Variants in ALK observed in about 807,000 individuals in gnomAD.
ALK encodes the protein ALK tyrosine kinase receptor.
ALK carries 74 observed loss-of-function variants against 163.1 expected under a neutral mutation model. The ratio of observed to expected loss-of-function variants is 0.45; its 90% CI spans 0.38 to 0.55. ALK has a LOEUF of 0.55. ALK is among the 20% of genes least tolerant of loss of function. The pLI, the probability that ALK is intolerant of heterozygous loss-of-function variation, is 0.00. For missense variants in ALK, 2,063 were observed against 2,105.3 expected, an observed-to-expected ratio of 0.98 and a Z score of 0.39; for synonymous variants, 960 against 843.2, an observed-to-expected ratio of 1.14 and a Z score of -2.40.
At chr2:29,644,255 G>A (rs991898489) in intron 3 of ALK, among the ~76,000 whole-genome samples, 9 of 117,458 alleles carry the variant, frequency 7.7e-5, no homozygotes, top group South Asian at 3.6e-4. Context: ...TTGCGGGGTG[G>A]GGGGAGGGGG....
chr2:29,331,366 G>C (rs1667434174), intron 5 of ALK, among the ~76,000 whole-genome samples: 1 of 152,124 alleles, frequency 6.6e-6, no homozygotes, highest in Non-Finnish European at 1.5e-5. Context: ...CAATATTTTT[G>C]GGTTTGGCAG....
At chr2:29,891,599 A>G (rs930676979) in intron 1 of ALK, among the ~76,000 whole-genome samples, 1 of 152,214 alleles carries the variant, frequency 6.6e-6, no homozygotes, top group African/African-American at 2.4e-5. Flanking sequence ...CCCATAAAGT[A>G]GAACATTTTA....
intron 12 of ALK, among the ~76,000 whole-genome samples, chr2:29,242,448 T>C (rs1392457576): frequency 6.6e-6 from 1 of 152,196 alleles, no homozygotes; most frequent in African/African-American, 2.4e-5. Context: ...TTTAGCCAAA[T>C]TATTATATTT....
chr2:29,538,966 C>T (rs1298310900), intron 3 of ALK, among the ~76,000 whole-genome samples: 1 of 152,104 alleles, frequency 6.6e-6, no homozygotes, highest in Non-Finnish European at 1.5e-5. Context: ...CCAACAGCTC[C>T]AGGCAGTATC....
chr2:29,610,794 C>T (rs1031493413), intron 3 of ALK, among the ~76,000 whole-genome samples: 2 of 152,162 alleles, frequency 1.3e-5, no homozygotes, highest in African/African-American at 4.8e-5. Context: ...TTCTGCTTCT[C>T]AACAATAATT....
At chr2:29,358,393 A>G (rs1469075799) in intron 5 of ALK, among the ~76,000 whole-genome samples, 2 of 152,244 alleles carry the variant, frequency 1.3e-5, no homozygotes, top group African/African-American at 4.8e-5. Context: ...AACATCAGGT[A>G]GAAGTAAATA....
intron 3 of ALK, among the ~76,000 whole-genome samples, chr2:29,648,714 T>C (rs568796744): frequency 6.6e-6 from 1 of 152,292 alleles, no homozygotes; most frequent in East Asian, 1.9e-4. Flanking sequence ...CTTTTGACAT[T>C]ATGCTAGGAA....
At chr2:29,308,527 T>C (rs1666595886) in intron 8 of ALK, among the ~76,000 whole-genome samples, 1 of 152,226 alleles carries the variant, frequency 6.6e-6, no homozygotes, top group East Asian at 1.9e-4. Flanking sequence ...ATTGTGCCTG[T>C]ACTCTAGGCT....
intron 1 of ALK, among the ~76,000 whole-genome samples, chr2:29,872,359 T>G (rs1666598567): frequency 6.6e-6 from 1 of 152,204 alleles, no homozygotes; most frequent in Admixed American, 6.5e-5. Context: ...GTAGTTAAAC[T>G]AGATACAGAC....
chr2:29,514,359 A>G lies in ALK; in HGVS notation c.1154+17556T>C, dbSNP rs993431033. ...GTTCATGTCCTTTGTAGGGACATGG[A>G]TGAAATTGGAAATCATCATTCTCAG... On this transcript the variant is annotated intron_variant, in intron 4 of 28. Transcript: ENST00000389048. 2.5e-4 allele frequency among the ~76,000 whole-genome samples: 38 copies of G among 150,906 alleles called. 1 individual carries two copies. Among genetic ancestry groups the G allele is most frequent in the Non-Finnish European group, 1.0e-4 (7 of 67,778 alleles).
chr2:29,423,427 G>A (rs1213990059), intron 4 of ALK, among the ~76,000 whole-genome samples: 2 of 152,246 alleles, frequency 1.3e-5, no homozygotes, highest in Non-Finnish European at 2.9e-5. Flanking sequence ...AGCAGACAGT[G>A]TCCACTGGGG....
At chr2:29,507,023 G>C (rs374145737) in intron 4 of ALK, among the ~76,000 whole-genome samples, 1 of 152,092 alleles carries the variant, frequency 6.6e-6, no homozygotes, top group Non-Finnish European at 1.5e-5. Flanking sequence ...CCACTTCTAG[G>C]TATATATCCA....
chr2:29,818,149 T>G (rs1664948731), intron 1 of ALK, among the ~76,000 whole-genome samples: 1 of 152,210 alleles, frequency 6.6e-6, no homozygotes, highest in African/African-American at 2.4e-5. Flanking sequence ...TTGCTTCCAT[T>G]TTTCCCAGAG....
intron 6 of ALK, among the ~76,000 whole-genome samples, chr2:29,324,660 A>G (rs6722414): frequency 0.72 from 109,424 of 152,160 alleles, 42,025 homozygotes; most frequent in East Asian, 0.88. Flanking sequence ...AGGGGATGAA[A>G]TGGGAACATC....
chr2:29,229,500 A>G (rs756048485), intron 15 of ALK, among the ~76,000 whole-genome samples: 47 of 152,310 alleles, frequency 3.1e-4, no homozygotes, highest in Admixed American at 4.6e-4. Flanking sequence ...GGGACTCACC[A>G]GTCTTTGAGC....
rs1423682477 is a variant in ALK, at chr2:29,372,632, C to T, written c.1282+11100G>A. Among the ~76,000 whole-genome samples, 16 of 152,140 alleles carry T rather than the reference C, an allele frequency of 1.1e-4. 1 individual carries two copies. The highest frequency in any genetic ancestry group is 9.2e-4 in the Admixed American group (14 of 15,272). ...TAGGTGTCACTGTCTTCATTTCGCA[C>T]GTGAATTATCTGGTACCACAGGATG... On this transcript the variant is annotated intron_variant, in intron 5 of 28. Transcript: ENST00000389048.
At chr2:29,583,035 G>GTTTTTTTTTTTTTTTTTT (rs10637189) in intron 3 of ALK, among the ~76,000 whole-genome samples, 200 of 107,842 alleles carry the variant, frequency 1.9e-3, no homozygotes, top group East Asian at 4.3e-3. Context: ...GCTAACTTTT[G>GTTTTTTTTTTTTTTTTTT]TTTTTTGTTT....
At chr2:29,833,283 C>G (rs1321224291) in intron 1 of ALK, among the ~76,000 whole-genome samples, 1 of 152,232 alleles carries the variant, frequency 6.6e-6, no homozygotes, top group Admixed American at 6.5e-5. Context: ...CCCCTCACGG[C>G]ACCTGTGCAA....
chr2:29,203,455 A>G (rs552208740), intron 26 of ALK, among the ~76,000 whole-genome samples: 9 of 113,154 alleles, frequency 8.0e-5, no homozygotes, highest in African/African-American at 2.7e-4. Context: ...AGTTTGCAGG[A>G]TCTTTATCAC....
Sources: allele counts gnomAD v4.1 joint callset (sites outside exome capture counted in the v4.1 genomes callset), GRCh38; gene constraint gnomAD v4.1.1; transcripts MANE v1.5; gene names NCBI Gene and HGNC (gene_info 2026-07-23, HGNC 2026-07-21).